LHFPL3: variants seen among roughly 807,000 people sequenced by gnomAD.
LHFPL3 encodes LHFPL tetraspan subfamily member 3.
A neutral mutation model predicts 19.3 loss-of-function variants in LHFPL3; 5 were observed. The ratio of observed to expected loss-of-function variants is 0.26; its 90% CI spans 0.14 to 0.54. The LOEUF (loss-of-function observed/expected upper bound fraction) is 0.54, where lower values mean the gene tolerates loss of function less well. LHFPL3 is among the 20% of genes least tolerant of loss of function. The pLI, the probability that LHFPL3 is intolerant of heterozygous loss-of-function variation, is 0.94. For synonymous variants in LHFPL3, 133 were observed against 126.2 expected, an observed-to-expected ratio of 1.05 and a Z score of -0.36; for missense variants, 249 against 307.4, an observed-to-expected ratio of 0.81 and a Z score of 1.42.
At chr7:104,865,008 G>A (rs1363342404) in intron 2 of LHFPL3, among the ~76,000 whole-genome samples, 1 of 151,982 alleles carries the variant, frequency 6.6e-6, no homozygotes, top group African/African-American at 2.4e-5. Flanking sequence ...ACCTGCAGCT[G>A]AGGGTCCTGA....
intron 1 of LHFPL3, among the ~76,000 whole-genome samples, chr7:104,591,253 A>G (rs1255253951): frequency 1.3e-5 from 2 of 152,168 alleles, no homozygotes; most frequent in Non-Finnish European, 1.5e-5. Context: ...GGCTGGGACC[A>G]GTTGTTCCTT....
chr7:104,883,797 C>CA (rs1792097238), intron 2 of LHFPL3, among the ~76,000 whole-genome samples: 1 of 152,204 alleles, frequency 6.6e-6, no homozygotes, highest in Non-Finnish European at 1.5e-5. Context: ...AGCTAGGACT[C>CA]AGTTCATTGC....
chr7:104,745,195 C>T lies in LHFPL3; in HGVS notation c.682+8284C>T, dbSNP rs548230475. Among the ~76,000 whole-genome samples the T allele has an allele frequency of 2.4e-4, 37 of 152,278 alleles. No homozygotes were observed. In the East Asian group the frequency reaches 6.4e-3, roughly 26 times the overall value. On this transcript the variant is annotated intron_variant, in intron 2 of 2. Coordinates refer to ENST00000424859, the MANE Select transcript of LHFPL3 (RefSeq NM_199000.3). Reference sequence around the variant, plus strand: ...TGGCCAACAAATTGTCCGCAGGAGTCGGCTGCAGGGTTCCTGGGAAACTTT... The same window carrying T: ...TGGCCAACAAATTGTCCGCAGGAGTTGGCTGCAGGGTTCCTGGGAAACTTT...
intron 2 of LHFPL3, among the ~76,000 whole-genome samples, chr7:104,764,829 T>A (rs1794429271): frequency 6.6e-6 from 1 of 152,240 alleles, no homozygotes; most frequent in Non-Finnish European, 1.5e-5. Context: ...TCTATCTCAT[T>A]TGACCCTTGC....
At chr7:104,352,476 T>C (rs928405864) in intron 1 of LHFPL3, among the ~76,000 whole-genome samples, 1 of 152,166 alleles carries the variant, frequency 6.6e-6, no homozygotes, top group Non-Finnish European at 1.5e-5. Context: ...AATAGATGCC[T>C]CAAGGCATCC....
chr7:104,531,672 G>A (rs538865664), intron 1 of LHFPL3, among the ~76,000 whole-genome samples: 2 of 152,234 alleles, frequency 1.3e-5, no homozygotes, highest in East Asian at 3.9e-4. Flanking sequence ...GGATCTATAT[G>A]GGAAATCACT....
At chr7:104,439,792 G>A (rs1792180694) in intron 1 of LHFPL3, among the ~76,000 whole-genome samples, 1 of 151,948 alleles carries the variant, frequency 6.6e-6, no homozygotes, top group Non-Finnish European at 1.5e-5. Flanking sequence ...ACAAAACAAG[G>A]ATGTCTACTT....
At chr7:104,501,694 C>G (rs1793601526) in intron 1 of LHFPL3, among the ~76,000 whole-genome samples, 1 of 152,118 alleles carries the variant, frequency 6.6e-6, no homozygotes, top group African/African-American at 2.4e-5. Flanking sequence ...TGACCTGATA[C>G]AGCCTGGGGC....
intron 1 of LHFPL3, among the ~76,000 whole-genome samples, chr7:104,523,912 A>G (rs113329661): frequency 1.3e-5 from 2 of 152,196 alleles, no homozygotes; most frequent in African/African-American, 2.4e-5. Context: ...CTAAAGAAGC[A>G]TCTCTCAGAT....
chr7:104,644,698 A>G (rs7801340), intron 1 of LHFPL3, among the ~76,000 whole-genome samples: 5 of 152,090 alleles, frequency 3.3e-5, no homozygotes, highest in African/African-American at 1.2e-4. Flanking sequence ...GAGGCCTTGG[A>G]GCAGACTCTT....
At chr7:104,862,876 GGAA>G (rs1452949831) in intron 2 of LHFPL3, among the ~76,000 whole-genome samples, 3 of 152,196 alleles carry the variant, frequency 2.0e-5, no homozygotes, top group Non-Finnish European at 4.4e-5. Flanking sequence ...AGTCGGAGCT[GGAA>G]GAAGAGCTCA....
intron 1 of LHFPL3, among the ~76,000 whole-genome samples, chr7:104,425,124 C>G (rs966464429): frequency 6.6e-6 from 1 of 151,302 alleles, no homozygotes; most frequent in Non-Finnish European, 1.5e-5. Flanking sequence ...AAAAAGTATT[C>G]TGATCACTAC....
At chr7:104,430,967 C>A (rs1215292712) in intron 1 of LHFPL3, among the ~76,000 whole-genome samples, 1 of 151,688 alleles carries the variant, frequency 6.6e-6, no homozygotes, top group Non-Finnish European at 1.5e-5. Flanking sequence ...ACATACAGAC[C>A]AGATGATAAA....
At chr7:104,390,877 T>A (rs1791052020) in intron 1 of LHFPL3, among the ~76,000 whole-genome samples, 2 of 152,238 alleles carry the variant, frequency 1.3e-5, no homozygotes, top group South Asian at 4.1e-4. Context: ...ATCGCCATTC[T>A]AACTGGTATG....
chr7:104,593,388 A>C (rs1584425145), intron 1 of LHFPL3, among the ~76,000 whole-genome samples: 1 of 152,238 alleles, frequency 6.6e-6, no homozygotes, highest in East Asian at 1.9e-4. Flanking sequence ...GTTTGATTGC[A>C]CTGTGGTCTG....
intron 1 of LHFPL3, among the ~76,000 whole-genome samples, chr7:104,379,309 C>T (rs770546798): frequency 4.1e-4 from 63 of 152,308 alleles, no homozygotes; most frequent in Admixed American, 3.1e-3. Flanking sequence ...ACAGTCTGCA[C>T]TTCTTGGGCC....
intron 2 of LHFPL3, among the ~76,000 whole-genome samples, chr7:104,800,552 T>A (rs1790223385): frequency 1.3e-5 from 2 of 152,134 alleles, no homozygotes; most frequent in Admixed American, 1.3e-4. Context: ...CCAAACCCTC[T>A]TTCTCCCAAC....
chr7:104,469,120 G>A (rs1295824045), intron 1 of LHFPL3, among the ~76,000 whole-genome samples: 1 of 152,076 alleles, frequency 6.6e-6, no homozygotes, highest in African/African-American at 2.4e-5. Flanking sequence ...ATCCAGCCTC[G>A]GTCACTGGAG....
rs561946821 is a variant in LHFPL3 at position 104,813,248 on chromosome 7, G to A, written c.682+76337G>A. On this transcript the variant is annotated intron_variant, in intron 2 of 2. Coordinates refer to ENST00000424859, the MANE Select transcript of LHFPL3 (RefSeq NM_199000.3). ...AGACATGATGGCACCACTGCACTCC[G>A]GCCTGGGAAACAGAGTGAGATCCTG... Among the ~76,000 whole-genome samples the A allele has an allele frequency of 2.9e-4, 43 of 149,148 alleles. 1 individual carries two copies. In the South Asian group the frequency reaches 5.3e-3, roughly 18 times the overall value.
Sources: allele counts gnomAD v4.1 joint callset (sites outside exome capture counted in the v4.1 genomes callset), GRCh38; gene constraint gnomAD v4.1.1; transcripts MANE v1.5; gene names NCBI Gene and HGNC (gene_info 2026-07-23, HGNC 2026-07-21).